EHMT1: variants seen among roughly 807,000 people sequenced by gnomAD.
The protein encoded by EHMT1 is histone-lysine N-methyltransferase EHMT1.
A neutral mutation model predicts 147.2 loss-of-function variants in EHMT1; 15 were observed. The ratio of observed to expected loss-of-function variants is 0.10; its 90% CI spans 0.07 to 0.16. The LOEUF (loss-of-function observed/expected upper bound fraction) is 0.16. Among genes scored for constraint, EHMT1 ranks in the 10% least tolerant of loss-of-function variants. The pLI is 1.00. For synonymous variants in EHMT1, 795 were observed against 709.6 expected, an observed-to-expected ratio of 1.12 and a Z score of -1.91; for missense variants, 1,587 against 1,772.4, an observed-to-expected ratio of 0.90 and a Z score of 1.88.
intron 10 of EHMT1, among the ~76,000 whole-genome samples, chr9:137,769,088 G>T (rs1280261681): frequency 1.3e-5 from 2 of 152,110 alleles, no homozygotes; most frequent in East Asian, 3.8e-4. Flanking sequence ...TGGTTTCCCT[G>T]GAGTGTACAA....
In EHMT1 at chr9:137,776,181, G is replaced by A. The variant is rs1251413806; in HGVS notation, c.1792-437G>A. On this transcript the variant is annotated intron_variant, in intron 11 of 26. Transcript: ENST00000460843. This position sits in a 1 kb window ranked among gnomAD's most constrained non-coding sequence, Gnocchi z 4.4. ...TTCTTACGGCTGTGTGCCCCTCCTC[G>A]AGGCTCACCTGGGTCGCCAAACCAC... 3.9e-5 allele frequency among the ~76,000 whole-genome samples: 6 copies of A among 152,108 alleles called. No homozygotes were observed. In the East Asian group the frequency reaches 9.6e-4, roughly 24 times the overall value.
chr9:137,760,338 G>GC (rs1409208749), intron 9 of EHMT1, among the ~76,000 whole-genome samples: 2 of 152,218 alleles, frequency 1.3e-5, no homozygotes, highest in Non-Finnish European at 2.9e-5. Flanking sequence ...GTTGGCCAGT[G>GC]CTGTGGTAGG....
rs748716122 is a variant in EHMT1, at chr9:137,813,060, G to A, written c.2922G>A (p.Thr974=). 96 of 1,613,838 alleles carry A rather than the reference G, an allele frequency of 5.9e-5. No individual in the cohort carries two copies. In the Middle Eastern group the frequency reaches 9.9e-4, roughly 17 times the overall value. ...CCTTAAAGAACAAGGAAGGAGAGAC[G>A]CCCCTGCAGTGTGCGAGCCTCAACT... ...DVTLKNKEGE[T]PLQCASLNSQ... Residue 974 remains threonine, a synonymous_variant, in exon 20 of 27, where the codon ACG becomes ACA. Coordinates refer to ENST00000460843, the MANE Select transcript of EHMT1 (RefSeq NM_024757.5). This position sits in a 1 kb window ranked among gnomAD's most constrained non-coding sequence, Gnocchi z 4.9.
Position 137,717,075 on chromosome 9 carries a change from C to G in EHMT1, c.535C>G (p.Leu179Val). The G allele has an allele frequency of 6.2e-7, 1 of 1,610,784 alleles. No homozygotes were observed. The stretch of plus-strand genomic sequence containing the variant: ...GACGCCAGCCGCCCCACCAGCCACC[C>G]TTGGGGAGGGGAGTGCTGACACAGA... ...PQTPAAPPAT[L>V]GEGSADTEDR... is the part of the protein sequence containing the mutation. The change falls in exon 3 of 27, where the codon CTT (leucine) becomes GTT (valine). Residue 179 changes from leucine to valine, a missense_variant. Coordinates refer to ENST00000460843, the MANE Select transcript of EHMT1 (RefSeq NM_024757.5).
rs1424830899 is a variant in EHMT1, at chr9:137,732,251, C to A, written c.823+3722C>A. Among the ~76,000 whole-genome samples, 1 of 152,230 alleles carries A rather than the reference C, an allele frequency of 6.6e-6. No homozygotes were observed. The highest frequency in any genetic ancestry group is 6.5e-5 in the Admixed American group (1 of 15,292). On this transcript the variant is annotated intron_variant, in intron 4 of 26. Transcript: ENST00000460843. The surrounding 1 kb of genome is among the most constrained non-coding windows in gnomAD (Gnocchi z 4.6). ...AAGGTTTGGGTCCCCAGAAGGATCA[C>A]CGCTCTTCACTCCCGCAGTTCAGCG...
chr9:137,679,730 AT>A (rs1280119957), intron 1 of EHMT1, among the ~76,000 whole-genome samples: 7 of 152,060 alleles, frequency 4.6e-5, no homozygotes, highest in South Asian at 4.2e-4. Flanking sequence ...TACATTGGAT[AT>A]TTTTTTCTGT....
chr9:137,717,902 A>G (rs1460716949), intron 3 of EHMT1, among the ~76,000 whole-genome samples: 1 of 152,230 alleles, frequency 6.6e-6, no homozygotes, highest in Admixed American at 6.5e-5. Context: ...GCAAAGGGCC[A>G]CCTGGAGACA....
At chr9:137,808,677 G>T (rs1239565203) in intron 18 of EHMT1, among the ~76,000 whole-genome samples, 11 of 100,698 alleles carry the variant, frequency 1.1e-4, no homozygotes, top group African/African-American at 1.0e-4. Flanking sequence ...GGCGGGGGGT[G>T]GGGGGGGCGC....
intron 1 of EHMT1, among the ~76,000 whole-genome samples, chr9:137,668,681 C>T (rs1434778345): frequency 6.6e-6 from 1 of 152,158 alleles, no homozygotes; most frequent in Non-Finnish European, 1.5e-5. Context: ...GTCGATTTGC[C>T]TGTTCTCTGT....
At chr9:137,758,987 C>T (rs1383646510) in intron 9 of EHMT1, among the ~76,000 whole-genome samples, 4 of 151,978 alleles carry the variant, frequency 2.6e-5, no homozygotes, top group Admixed American at 1.3e-4. Context: ...ATTAGCCGGG[C>T]GTAGTGGCGG....
At chr9:137,669,748 T>A (rs1306650295) in intron 1 of EHMT1, among the ~76,000 whole-genome samples, 1 of 152,102 alleles carries the variant, frequency 6.6e-6, no homozygotes, top group Non-Finnish European at 1.5e-5. Context: ...AAAATTAATC[T>A]CCTTATGTTG....
intron 1 of EHMT1, among the ~76,000 whole-genome samples, chr9:137,696,423 A>G (rs1449237281): frequency 1.3e-5 from 2 of 152,238 alleles, no homozygotes; most frequent in Non-Finnish European, 2.9e-5. Context: ...TTCCTAAAGC[A>G]GAAGGGAGCA....
intron 1 of EHMT1, among the ~76,000 whole-genome samples, chr9:137,692,290 A>G (rs557684638): frequency 3.7e-5 from 5 of 135,820 alleles, no homozygotes; most frequent in Non-Finnish European, 7.7e-5. Flanking sequence ...TTTGAGACAG[A>G]GCCTCACTCT....
intron 13 of EHMT1, among the ~76,000 whole-genome samples, chr9:137,778,611 A>G (rs1951140125): frequency 6.6e-6 from 1 of 152,124 alleles, no homozygotes; most frequent in South Asian, 2.1e-4. Flanking sequence ...AAGCGACGGT[A>G]CCATCTGCTG....
intron 25 of EHMT1, among the ~76,000 whole-genome samples, chr9:137,832,432 C>T (rs1477784621): frequency 6.7e-6 from 1 of 149,228 alleles, no homozygotes; most frequent in African/African-American, 2.5e-5. Context: ...CACTTTGCTC[C>T]CATCCTAGGA....
intron 4 of EHMT1, among the ~76,000 whole-genome samples, chr9:137,729,507 A>G (rs1946915341): frequency 6.6e-6 from 1 of 152,032 alleles, no homozygotes; most frequent in South Asian, 2.1e-4. Flanking sequence ...GAATGGCGTG[A>G]ACCCGGGAGG....
At chr9:137,814,529 G>T (rs763252984) in intron 22 of EHMT1, 21 bp downstream of exon 22, 3 of 1,601,696 alleles carry the variant, frequency 1.9e-6, no homozygotes, top group African/African-American at 1.3e-5. Context: ...CCTCGTGTGC[G>T]TGGGCTCAGG....
chr9:137,735,162 A>G (rs186108889), intron 4 of EHMT1, among the ~76,000 whole-genome samples: 3 of 152,342 alleles, frequency 2.0e-5, no homozygotes, highest in East Asian at 1.9e-4. Context: ...CATTTTTCCT[A>G]CATAACAAGA....
chr9:137,742,134 G>A (rs957869766), intron 4 of EHMT1, among the ~76,000 whole-genome samples: 1 of 152,162 alleles, frequency 6.6e-6, no homozygotes, highest in African/African-American at 2.4e-5. Flanking sequence ...TCGTTTCCCA[G>A]CGTCCGTGGT....
Sources: gnomAD v4.1 joint callset for allele counts (sites outside exome capture counted in the v4.1 genomes callset) on GRCh38, gnomAD v4.1.1 for gene constraint, Gnocchi (gnomAD v3.1) non-coding constraint, MANE v1.5 for transcripts, NCBI Gene and HGNC (gene_info 2026-07-23, HGNC 2026-07-21) for gene names.